CAMTA1: variants seen among roughly 807,000 people sequenced by gnomAD.
CAMTA1 encodes the protein calmodulin binding transcription activator 1, also known as calmodulin-binding transcription activator 1.
Under a neutral mutation model 170.9 loss-of-function variants are expected in CAMTA1, and 27 were observed. The ratio of observed to expected loss-of-function variants is 0.16; its 90% CI spans 0.12 to 0.22. The LOEUF (loss-of-function observed/expected upper bound fraction) is 0.22, where lower values mean the gene tolerates loss of function less well. CAMTA1 is among the 10% of genes least tolerant of loss of function. The pLI, the probability that CAMTA1 is intolerant of heterozygous loss-of-function variation, is 1.00. For synonymous variants in CAMTA1, 833 were observed against 891.5 expected, an observed-to-expected ratio of 0.93 and a Z score of 1.17; for missense variants, 1,619 against 2,217.2, an observed-to-expected ratio of 0.73 and a Z score of 5.42.
chr1:6,884,291 GACACACACACACACACACACAC>G (rs112571156), intron 3 of CAMTA1, among the ~76,000 whole-genome samples: 1 of 136,550 alleles, frequency 7.3e-6, no homozygotes, highest in Non-Finnish European at 1.6e-5. Flanking sequence ...ATTCTCTAGA[GACACACACACACACACACACAC>G]ACACACACAC....
rs568799930 is a variant in CAMTA1 at position 7,203,854 on chromosome 1, C to T, written c.303-45637C>T. ...TTCTTTCTTTTTTTTTTTTTCGAGACGGAGTCTCACTCTGTCGCCCAGGCT... is the reference window on the plus strand; with the variant it reads ...TTCTTTCTTTTTTTTTTTTTCGAGATGGAGTCTCACTCTGTCGCCCAGGCT... On this transcript the variant is annotated intron_variant, in intron 4 of 22. Transcript: ENST00000303635. 1.8e-3 allele frequency among the ~76,000 whole-genome samples: 268 copies of T among 146,248 alleles called. 1 individual carries two copies. The highest frequency in any genetic ancestry group is 6.1e-3 in the African/African-American group (244 of 39,840).
intron 6 of CAMTA1, among the ~76,000 whole-genome samples, chr1:7,470,578 G>A (rs1575493947): frequency 6.6e-6 from 1 of 152,174 alleles, no homozygotes; most frequent in East Asian, 1.9e-4. Flanking sequence ...TCCTCTGAAT[G>A]CAGGAGGCAC....
chr1:7,184,475 G>T (rs1268990811), intron 4 of CAMTA1, among the ~76,000 whole-genome samples: 1 of 151,830 alleles, frequency 6.6e-6, no homozygotes, highest in Non-Finnish European at 1.5e-5. Context: ...AAATGTCTTT[G>T]TACCCCATGC....
rs2096190623 is a variant in CAMTA1 at position 7,680,855 on chromosome 1, CGCGCG to C, written c.2914+3123_2914+3127del. Among the ~76,000 whole-genome samples the C allele has an allele frequency of 2.3e-5, 2 of 87,854 alleles. No homozygotes were observed. Among genetic ancestry groups the C allele is most frequent in the South Asian group, 4.8e-4 (1 of 2,100 alleles). 57.6% of individuals were successfully genotyped at this position (87,854 alleles called of 152,430 possible). A position where few individuals can be genotyped will look rare whatever the true frequency, so the allele number is the denominator to read the frequency against. ...GGCGCAGAGAACACGCGCGCGCGCG[CGCGCG>C]CCAGCAGCAGCAGCAGCAGCAGCTG... On this transcript the variant is annotated intron_variant, in intron 11 of 22. Coordinates refer to ENST00000303635, the MANE Select transcript of CAMTA1 (RefSeq NM_015215.4). This position sits in a 1 kb window ranked among gnomAD's most constrained non-coding sequence, Gnocchi z 4.4.
intron 3 of CAMTA1, among the ~76,000 whole-genome samples, chr1:7,036,395 C>T (rs890070106): frequency 1.3e-5 from 2 of 152,248 alleles, no homozygotes; most frequent in South Asian, 2.1e-4. Context: ...GAGCCCACCA[C>T]GATTATTATC....
intron 4 of CAMTA1, among the ~76,000 whole-genome samples, chr1:7,229,401 G>T (rs1005527256): frequency 2.1e-5 from 3 of 140,546 alleles, no homozygotes; most frequent in Non-Finnish European, 3.1e-5. Context: ...AGGGCCAAGT[G>T]CAGTGGTGAG....
At chr1:6,852,644 G>A (rs563592062) in intron 3 of CAMTA1, among the ~76,000 whole-genome samples, 1 of 152,304 alleles carries the variant, frequency 6.6e-6, no homozygotes, top group South Asian at 2.1e-4. Flanking sequence ...CAGGGTATGG[G>A]GAGGAACTCA....
intron 3 of CAMTA1, 85 bp downstream of exon 3, chr1:6,825,295 C>T: frequency 4.6e-6 from 3 of 657,636 alleles, no homozygotes; most frequent in Non-Finnish European, 5.4e-6. Flanking sequence ...TTTATGTTAG[C>T]TTTAAATTTA....
At chr1:7,189,444 A>G (rs904114095) in intron 4 of CAMTA1, among the ~76,000 whole-genome samples, 2 of 152,224 alleles carry the variant, frequency 1.3e-5, no homozygotes, top group Admixed American at 6.5e-5. Flanking sequence ...AGAAGAAAAC[A>G]AACAATCCCA....
chr1:7,663,793 G>A lies in CAMTA1; in HGVS notation c.1246G>A (p.Ala416Thr), dbSNP rs771378439. 1.3e-5 allele frequency: 21 copies of A among 1,613,962 alleles called. No homozygotes were observed. Among genetic ancestry groups the A allele is most frequent in the Middle Eastern group, 3.3e-4 (2 of 6,084 alleles). The change falls in exon 9 of 23, where the codon GCT becomes ACT. Residue 416 changes from alanine to threonine, a missense_variant. Physicochemically the swap from Ala to Thr is moderately conservative, Grantham distance 58. Coordinates refer to ENST00000303635, the MANE Select transcript of CAMTA1 (RefSeq NM_015215.4). ...NEAVYTMSPT[A>T]GPNHHLLSPD... ...GGCCGTGTACACCATGTCCCCCACCGCTGGCCCCAACCACCACCTCCTCTC... is the reference window on the plus strand; with the variant it reads ...GGCCGTGTACACCATGTCCCCCACCACTGGCCCCAACCACCACCTCCTCTC...
At chr1:7,458,807 C>A (rs559068249) in intron 5 of CAMTA1, among the ~76,000 whole-genome samples, 1 of 152,372 alleles carries the variant, frequency 6.6e-6, no homozygotes, top group East Asian at 1.9e-4. Context: ...GGAAAGAGGC[C>A]AGGCTAGAGC....
At chr1:7,452,353 T>G (rs1263602624) in intron 5 of CAMTA1, among the ~76,000 whole-genome samples, 3 of 152,220 alleles carry the variant, frequency 2.0e-5, no homozygotes, top group Non-Finnish European at 4.4e-5. Flanking sequence ...ACGGTTTCTT[T>G]TTGTTTGTTT....
chr1:7,440,806 C>T lies in CAMTA1; in HGVS notation c.439-27024C>T, dbSNP rs527916555. Among the ~76,000 whole-genome samples, 28 of 152,300 alleles carry T rather than the reference C, an allele frequency of 1.8e-4. No individual in the cohort carries two copies. In the South Asian group the frequency reaches 4.1e-3, roughly 23 times the overall value. On this transcript the variant is annotated intron_variant, in intron 5 of 22. Transcript: ENST00000303635. ...CAAGCGACATCAGCTCTGCACCCCTCGGTTTCCTTAGCCGATGGCGATGGT... is the reference window on the plus strand; with the variant it reads ...CAAGCGACATCAGCTCTGCACCCCTTGGTTTCCTTAGCCGATGGCGATGGT...
At chr1:7,225,199 C>T (rs1210854433) in intron 4 of CAMTA1, among the ~76,000 whole-genome samples, 1 of 152,198 alleles carries the variant, frequency 6.6e-6, no homozygotes, top group Non-Finnish European at 1.5e-5. Flanking sequence ...ATTCTCCTGC[C>T]TCAGCCTCCC....
chr1:7,614,111 G>A (rs546567626), intron 6 of CAMTA1, among the ~76,000 whole-genome samples: 1 of 152,034 alleles, frequency 6.6e-6, no homozygotes, highest in Non-Finnish European at 1.5e-5. Context: ...CTGACCCAGA[G>A]GGGTGAGTAG....
chr1:7,157,019 T>C (rs1040669806), intron 4 of CAMTA1, among the ~76,000 whole-genome samples: 5 of 152,092 alleles, frequency 3.3e-5, no homozygotes, highest in Non-Finnish European at 7.4e-5. Flanking sequence ...CAGAAAAAAG[T>C]ATTTGACAAC....
At chr1:7,068,732 A>G (rs984382835) in intron 3 of CAMTA1, among the ~76,000 whole-genome samples, 1 of 152,142 alleles carries the variant, frequency 6.6e-6, no homozygotes, top group African/African-American at 2.4e-5. Flanking sequence ...GGCCTCTCTC[A>G]GTGGCAGGGG....
intron 5 of CAMTA1, among the ~76,000 whole-genome samples, chr1:7,383,468 A>G (rs189937323): frequency 2.1e-3 from 323 of 152,352 alleles, no homozygotes; most frequent in African/African-American, 7.1e-3. Flanking sequence ...CTAACCTTGG[A>G]CAAGTTAGGT....
intron 5 of CAMTA1, among the ~76,000 whole-genome samples, chr1:7,390,497 T>C (rs845225): frequency 0.92 from 139,408 of 152,260 alleles, 63,915 homozygotes; most frequent in East Asian, 1. Flanking sequence ...GGATTGGCCC[T>C]GCTGCTTACT....
Sources: gnomAD v4.1 joint callset for allele counts (sites outside exome capture counted in the v4.1 genomes callset) on GRCh38, gnomAD v4.1.1 for gene constraint, Gnocchi (gnomAD v3.1) non-coding constraint, MANE v1.5 for transcripts, NCBI Gene and HGNC (gene_info 2026-07-23, HGNC 2026-07-21) for gene names.